CLASP1: variants seen among roughly 807,000 people sequenced by gnomAD.
CLASP1 encodes the protein cytoplasmic linker associated protein 1.
A neutral mutation model predicts 192.3 loss-of-function variants in CLASP1; 38 were observed. The observed-to-expected ratio is 0.20, with a 90% CI of 0.15 to 0.26. The LOEUF is 0.26. CLASP1 is among the 10% of genes least tolerant of loss of function. The probability of loss-of-function intolerance (pLI) is 1.00; values close to 1 mark genes in which losing one functional copy is unlikely to be tolerated. For synonymous variants in CLASP1, 691 were observed against 712.8 expected (o/e 0.97, Z 0.49); for missense variants, 1,433 against 1,932.5 (o/e 0.74, Z 4.85).
At chr2:121,440,567 C>T (rs1035618652) in intron 19 of CLASP1, among the ~76,000 whole-genome samples, 2 of 152,162 alleles carry the variant, frequency 1.3e-5, no homozygotes, top group Non-Finnish European at 2.9e-5. Flanking sequence ...TGTTGCACAC[C>T]TGTAGTCCCA....
At chr2:121,645,161 T>A (rs1027746004) in intron 1 of CLASP1, among the ~76,000 whole-genome samples, 1 of 152,190 alleles carries the variant, frequency 6.6e-6, no homozygotes, top group African/African-American at 2.4e-5. Flanking sequence ...ACCCTCTTGG[T>A]ACCTGATGCT....
At chr2:121,409,046 A>G (rs1489655146) in intron 24 of CLASP1, 1 of 1,566,614 alleles carries the variant, frequency 6.4e-7, no homozygotes, top group Admixed American at 1.9e-5. Context: ...GTCTCCTAAC[A>G]GCTGTAGGCA....
chr2:121,597,649 G>A (rs1168859063), intron 2 of CLASP1, among the ~76,000 whole-genome samples: 2 of 152,162 alleles, frequency 1.3e-5, no homozygotes, highest in African/African-American at 4.8e-5. Context: ...AAAACACTAG[G>A]CTTTCAGAGT....
intron 22 of CLASP1, among the ~76,000 whole-genome samples, chr2:121,424,583 C>A (rs2080071707): frequency 1.3e-5 from 2 of 152,274 alleles, no homozygotes; most frequent in South Asian, 4.1e-4. Flanking sequence ...TGATTCTACA[C>A]ACTATTACAA....
chr2:121,606,261 A>T, intron 1 of CLASP1, 81 bp from the exon 2 acceptor site: 1 of 361,710 alleles, frequency 2.8e-6, no homozygotes. Flanking sequence ...ATCAAAGACA[A>T]AGCAATTCAT....
chr2:121,359,403 C>G (rs149014065), intron 37 of CLASP1, among the ~76,000 whole-genome samples: 28 of 152,352 alleles, frequency 1.8e-4, no homozygotes, highest in African/African-American at 6.7e-4. Context: ...TTTTATCTCA[C>G]ACTGACCCCA....
intron 2 of CLASP1, among the ~76,000 whole-genome samples, chr2:121,567,638 G>A (rs1213556583): frequency 6.6e-6 from 1 of 152,180 alleles, no homozygotes; most frequent in Non-Finnish European, 1.5e-5. Context: ...TTTGAAGGCA[G>A]GGAATAGAAT....
chr2:121,589,778 T>C (rs568077648), intron 2 of CLASP1, among the ~76,000 whole-genome samples: 1 of 152,174 alleles, frequency 6.6e-6, no homozygotes, highest in African/African-American at 2.4e-5. Flanking sequence ...AAGAAATAGA[T>C]TTTGATGTTT....
intron 2 of CLASP1, among the ~76,000 whole-genome samples, chr2:121,541,953 A>G (rs1353368272): frequency 6.6e-6 from 1 of 152,202 alleles, no homozygotes; most frequent in Non-Finnish European, 1.5e-5. Context: ...GTAGGCATGA[A>G]ATCTAGAAAA....
At chr2:121,432,124 TTAATA>T (rs1559165638) in intron 19 of CLASP1, among the ~76,000 whole-genome samples, 2 of 152,126 alleles carry the variant, frequency 1.3e-5, no homozygotes, top group African/African-American at 2.4e-5. Flanking sequence ...TATTAATTAA[TTAATA>T]TATGAGGCAG....
intron 2 of CLASP1, among the ~76,000 whole-genome samples, chr2:121,545,154 T>C (rs965562390): frequency 6.6e-6 from 1 of 152,138 alleles, no homozygotes; most frequent in African/African-American, 2.4e-5. Context: ...GTTCAAGTGA[T>C]CCACCTGCCT....
chr2:121,635,016 T>C (rs767154457), intron 1 of CLASP1, among the ~76,000 whole-genome samples: 2 of 152,078 alleles, frequency 1.3e-5, no homozygotes, highest in Non-Finnish European at 2.9e-5. Flanking sequence ...TGCTTCCTAC[T>C]AAGGGAGTTT....
intron 2 of CLASP1, among the ~76,000 whole-genome samples, chr2:121,582,306 A>G (rs1208061503): frequency 6.7e-6 from 1 of 150,338 alleles, no homozygotes; most frequent in Non-Finnish European, 1.5e-5. Context: ...AGAGAAAGGG[A>G]GAGAGAGAGA....
At chr2:121,412,442 C>T (rs935695161) in intron 23 of CLASP1, among the ~76,000 whole-genome samples, 1 of 150,908 alleles carries the variant, frequency 6.6e-6, no homozygotes, top group Non-Finnish European at 1.5e-5. Context: ...TTACTATGCA[C>T]ACATAGTTTT....
At chr2:121,455,686 C>T (rs889752047) in intron 14 of CLASP1, among the ~76,000 whole-genome samples, 2 of 152,076 alleles carry the variant, frequency 1.3e-5, no homozygotes, top group Non-Finnish European at 2.9e-5. Flanking sequence ...ATGATAAGAC[C>T]TTATCTCTAC....
chr2:121,530,112 G>C (rs1361246999), intron 3 of CLASP1, 135 bp downstream of exon 3: 1 of 714,618 alleles, frequency 1.4e-6, no homozygotes, highest in African/African-American at 1.8e-5. Flanking sequence ...TGGCTGTTTG[G>C]GAGGAGCGGA....
Position 121,404,453 on chromosome 2 carries a change from A to C in CLASP1, c.2670-19T>G. The C allele has an allele frequency of 6.3e-7, 1 of 1,593,308 alleles. No homozygotes were observed. Among genetic ancestry groups the C allele is most frequent in the Non-Finnish European group, 8.6e-7 (1 of 1,166,960 alleles). ...AACTCGACTAGAAGAAATAAAACAG[A>C]AATCAATGAATTTACTACTTTTATT... On this transcript the variant is annotated intron_variant, in intron 25 of 39. Coordinates refer to ENST00000263710, the Ensembl canonical transcript of CLASP1.
intron 8 of CLASP1, among the ~76,000 whole-genome samples, chr2:121,472,903 T>C (rs1379984914): frequency 6.6e-6 from 1 of 152,174 alleles, no homozygotes; most frequent in Non-Finnish European, 1.5e-5. Flanking sequence ...ATCTGCCCTA[T>C]CAGAGCTTAA....
intron 2 of CLASP1, among the ~76,000 whole-genome samples, chr2:121,587,843 G>GA (rs1159228601): frequency 7.0e-6 from 1 of 143,604 alleles, no homozygotes; most frequent in East Asian, 2.1e-4. Flanking sequence ...AAAAAAAAAG[G>GA]AAAAAATAAT....
Sources: gnomAD v4.1 joint callset for allele counts (sites outside exome capture counted in the v4.1 genomes callset) on GRCh38, gnomAD v4.1.1 for gene constraint, MANE v1.5 for transcripts, NCBI Gene and HGNC (gene_info 2026-07-23, HGNC 2026-07-21) for gene names.